The following RNF213 variants were observed in gnomAD, a reference collection of about 807,000 sequenced individuals.
The protein encoded by RNF213 is E3 ubiquitin-protein ligase RNF213.
In RNF213, 341 loss-of-function variants were observed where a neutral mutation model predicts 514.4. That is an observed-to-expected ratio of 0.66 (90% CI 0.61 to 0.73). The LOEUF is 0.73. Ranked by LOEUF, RNF213 falls within the 30% of genes least tolerant of loss-of-function variation. The pLI, the probability that RNF213 is intolerant of heterozygous loss-of-function variation, is 0.00. For synonymous variants in RNF213, 2,655 were observed against 2,658.2 expected (o/e 1.00, Z 0.04); for missense variants, 5,767 against 6,615.6 (o/e 0.87, Z 4.45).
At chr17:80,392,628 C>T (rs1449767018) in intron 67 of RNF213, among the ~76,000 whole-genome samples, 2 of 151,760 alleles carry the variant, frequency 1.3e-5, no homozygotes, top group Non-Finnish European at 2.9e-5. Context: ...CTCGCTCTGT[C>T]GCCCAGGCTG....
Position 80,298,917 on chromosome 17 carries a change from TG to T in RNF213, c.2210+400del, listed in dbSNP as rs1456647189. 2.1e-5 allele frequency: 6 copies of T among 286,722 alleles called. No individual in the cohort carries two copies. In the East Asian group the frequency reaches 5.5e-4, roughly 26 times the overall value. The allele number at this position is 286,722 out of a possible 1,614,324, so 17.8% of individuals were successfully genotyped here. A position where few individuals can be genotyped will look rare whatever the true frequency, so the allele number is the denominator to read the frequency against. ...TCACTAGAACCCGGGAGGTGGAGGT[TG>T]CAGTGAGCTGGGATCATGCTACTGC... On this transcript the variant is annotated intron_variant, in intron 11 of 67. Transcript: ENST00000582970.
chr17:80,396,776 C>T lies in RNF213; in HGVS notation c.*3278C>T, dbSNP rs2080674801. The T allele has an allele frequency of 8.1e-6, 1 of 123,696 alleles. No homozygotes were observed. Among genetic ancestry groups the T allele is most frequent in the Non-Finnish European group, 1.6e-5 (1 of 62,070 alleles). 7.7% of individuals were successfully genotyped at this position (123,696 alleles called of 1,614,324 possible). ...AGAGCAACTTTGGTCAGAAGTCACA[C>T]CTAATCACCCTCTCTGCAGGATATG... On this transcript the variant is annotated 3_prime_UTR_variant, in exon 68 of 68. Coordinates refer to ENST00000582970, the MANE Select transcript of RNF213 (RefSeq NM_001256071.3).
At position 80,344,930 on chromosome 17, in the gene RNF213, C is replaced by A; in HGVS notation, c.6595C>A (p.Gln2199Lys). 6.2e-7 allele frequency: 1 copy of A among 1,614,160 alleles called. No individual in the cohort carries two copies. The highest frequency in any genetic ancestry group is 8.5e-7 in the Non-Finnish European group (1 of 1,180,028). Residue 2199 changes from glutamine (Q) to lysine (K), a missense_variant, in exon 29 of 68, where the codon CAG becomes AAG. Coordinates refer to ENST00000582970, the MANE Select transcript of RNF213 (RefSeq NM_001256071.3). ...SVEGTPEECL[Q>K]HFLFHCGVIN... The stretch of plus-strand genomic sequence containing the variant: ...CGAAGGCACCCCGGAGGAATGCCTC[C>A]AGCATTTCCTGTTTCACTGCGGGGT...
chr17:80,345,649 T>A lies in RNF213; in HGVS notation c.7314T>A (p.Arg2438=). The A allele has an allele frequency of 6.2e-7, 1 of 1,614,186 alleles. No homozygotes were observed. ...RLIKFLSDLR[R]GGTNADTIKL... Reference sequence around the variant, plus strand: ...TTAAATTCCTTAGCGACCTGCGGCGTGGTGGTACCAATGCTGACACCATAA... The same window carrying A: ...TTAAATTCCTTAGCGACCTGCGGCGAGGTGGTACCAATGCTGACACCATAA... Residue 2438 remains arginine, a synonymous_variant, in exon 29 of 68, where the codon CGT becomes CGA. Coordinates refer to ENST00000582970, the MANE Select transcript of RNF213 (RefSeq NM_001256071.3). The surrounding 1 kb of genome is among the most constrained non-coding windows in gnomAD (Gnocchi z 6.0).
Position 80,288,694 on chromosome 17 carries a change from A to T in RNF213, c.872A>T (p.Glu291Val). The stretch of plus-strand genomic sequence containing the variant: ...AAAGGGGCCGGGAAGGAAATGAAAG[A>T]GAAGACCCAGAGAATGAAACAGCCA... ...AVKGAGKEMK[E>V]KTQRMKQPPA... Residue 291 changes from glutamate to valine, a missense_variant, in exon 5 of 68, where the codon GAG (glutamate) becomes GTG (valine). Glu to Val is a moderately radical substitution (Grantham distance 121). Coordinates refer to ENST00000582970, the MANE Select transcript of RNF213 (RefSeq NM_001256071.3). This position sits in a 1 kb window ranked among gnomAD's most constrained non-coding sequence, Gnocchi z 4.9. 6.2e-7 allele frequency: 1 copy of T among 1,614,200 alleles called. No homozygotes were observed. Among genetic ancestry groups the T allele is most frequent in the Non-Finnish European group, 8.5e-7 (1 of 1,180,038 alleles).
At chr17:80,274,618 AGTGGGGTGTCTGTGGGGGGTG>A in intron 3 of RNF213, among the ~76,000 whole-genome samples, 1 of 1,220 alleles carries the variant, frequency 8.2e-4, no homozygotes, top group South Asian at 0.025. Context: ...GTGGGGGGTG[AGTGGGGTGTCTGTGGGGGGTG>A]TGGGGTGAGT....
intron 11 of RNF213, chr17:80,298,811 C>CAAA: frequency 1.2e-4 from 27 of 222,270 alleles, no homozygotes; most frequent in East Asian, 3.5e-4. Flanking sequence ...CGAAAAATAC[C>CAAA]AAAAAAAAAA....
At position 80,393,722 on chromosome 17, in the gene RNF213, TTA is replaced by T. The variant is rs1263636472; in HGVS notation, c.*226_*227del. On this transcript the variant is annotated 3_prime_UTR_variant, in exon 68 of 68. Transcript: ENST00000582970. ...CATGTTCTGAAACTTTCTCATCATT[TTA>T]TGAGTACTGTTCATTGAGAGATGAC... is the stretch of plus-strand genomic sequence containing the variant. 5 of 531,816 alleles carry T rather than the reference TTA, an allele frequency of 9.4e-6. No homozygotes were observed. Among genetic ancestry groups the T allele is most frequent in the Middle Eastern group, 5.1e-4 (1 of 1,956 alleles). The allele number at this position is 531,816 out of a possible 1,614,324, so 32.9% of individuals were successfully genotyped here.
intron 14 of RNF213, among the ~76,000 whole-genome samples, chr17:80,311,078 T>A (rs944368295): frequency 6.6e-6 from 1 of 152,184 alleles, no homozygotes; most frequent in Admixed American, 6.5e-5. Context: ...TTTAAGGAAT[T>A]TGTCAGTTAC....
In RNF213 at chr17:80,396,781, T is replaced by G. The variant is rs1221777111; in HGVS notation, c.*3283T>G. Reference sequence around the variant, plus strand: ...AACTTTGGTCAGAAGTCACACCTAATCACCCTCTCTGCAGGATATGCTGGG... The same window carrying G: ...AACTTTGGTCAGAAGTCACACCTAAGCACCCTCTCTGCAGGATATGCTGGG... On this transcript the variant is annotated 3_prime_UTR_variant, in exon 68 of 68. Transcript: ENST00000582970. 1 of 109,016 alleles carries G rather than the reference T, an allele frequency of 9.2e-6. No individual in the cohort carries two copies. Among genetic ancestry groups the G allele is most frequent in the African/African-American group, 3.6e-5 (1 of 27,982 alleles). The allele number at this position is 109,016 out of a possible 1,614,324, so 6.8% of individuals were successfully genotyped here. A position where few individuals can be genotyped will look rare whatever the true frequency, so the allele number is the denominator to read the frequency against.
intron 26 of RNF213, 62 bp downstream of exon 26, chr17:80,340,418 C>G (rs562696971): frequency 1.3e-4 from 196 of 1,482,234 alleles, no homozygotes; most frequent in South Asian, 1.1e-3. Context: ...GCCCTTCCCC[C>G]CTCCAGCAGA....
intron 39 of RNF213, among the ~76,000 whole-genome samples, chr17:80,362,489 T>G (rs541317259): frequency 5.1e-4 from 77 of 152,342 alleles, no homozygotes; most frequent in African/African-American, 1.7e-3. Flanking sequence ...TAATAGCAAA[T>G]CAACACAACA....
chr17:80,326,708 T>C (rs748588865), intron 18 of RNF213, among the ~76,000 whole-genome samples: 18 of 152,242 alleles, frequency 1.2e-4, no homozygotes, highest in Non-Finnish European at 1.8e-4. Flanking sequence ...TTATGTTTCC[T>C]CCATGTCTTT....
chr17:80,325,228 G>A, intron 18 of RNF213, 30 bp downstream of exon 18: 2 of 1,510,918 alleles, frequency 1.3e-6, no homozygotes, highest in Non-Finnish European at 1.8e-6. Flanking sequence ...GGGAACATCA[G>A]CTCAGGCAAG....
At position 80,317,219 on chromosome 17, in the gene RNF213, C is replaced by G; in HGVS notation, c.2843C>G (p.Pro948Arg). Reference protein sequence around the residue: ...VWRRLVEIQFPAEHGWKESLL... With the variant: ...VWRRLVEIQFRAEHGWKESLL... ...AGGCGGCTGGTGGAAATCCAATTCC[C>G]CGCGGAGCATGGCTGGAAGGAGTCG... Residue 948 changes from proline to arginine, a missense_variant, in exon 16 of 68, where the codon CCC (proline) becomes CGC (arginine). Around this residue, in one of 13 missense-constraint regions of RNF213, gnomAD observed 592 missense variants for 673.9 expected, o/e 0.88. Transcript: ENST00000582970. The surrounding 1 kb of genome is among the most constrained non-coding windows in gnomAD (Gnocchi z 4.1). 1 of 1,612,804 alleles carries G rather than the reference C, an allele frequency of 6.2e-7. No individual in the cohort carries two copies. Among genetic ancestry groups the G allele is most frequent in the Non-Finnish European group, 8.5e-7 (1 of 1,179,850 alleles).
rs2080642514 is a variant in RNF213, at chr17:80,395,637, C to CT, written c.*2140dup. 6.6e-6 allele frequency: 1 copy of CT among 152,308 alleles called. No individual in the cohort carries two copies. Among genetic ancestry groups the CT allele is most frequent in the African/African-American group, 2.4e-5 (1 of 41,454 alleles). 9.4% of individuals were successfully genotyped at this position (152,308 alleles called of 1,614,324 possible). ...AATGACTTCACTGGACACAGCGGGG[C>CT]TGCAGCTAACGGGGTACAGGTAGGA... On this transcript the variant is annotated 3_prime_UTR_variant, in exon 68 of 68. Coordinates refer to ENST00000582970, the MANE Select transcript of RNF213 (RefSeq NM_001256071.3).
At chr17:80,302,978 A>G (rs1036883618) in intron 11 of RNF213, among the ~76,000 whole-genome samples, 1 of 152,220 alleles carries the variant, frequency 6.6e-6, no homozygotes, top group Admixed American at 6.5e-5. Context: ...AAAATAGATT[A>G]ATTTATTTTG....
chr17:80,338,261 C>T (rs148650123), intron 25 of RNF213, among the ~76,000 whole-genome samples: 2 of 152,276 alleles, frequency 1.3e-5, no homozygotes, highest in East Asian at 3.9e-4. Context: ...CTGAAGCTGG[C>T]AGCCTGTCCA....
At chr17:80,376,682 T>C (rs2079774494) in intron 52 of RNF213, 139 bp downstream of exon 52, 1 of 1,321,488 alleles carries the variant, frequency 7.6e-7, no homozygotes, top group Non-Finnish European at 1.1e-6. Context: ...ACCTGATTCT[T>C]GAGCACACAA....
Sources: allele counts gnomAD v4.1 joint callset (sites outside exome capture counted in the v4.1 genomes callset), GRCh38; gene constraint gnomAD v4.1.1; regional missense constraint gnomAD v4.1.1; non-coding constraint Gnocchi (gnomAD v3.1); transcripts MANE v1.5; gene names NCBI Gene and HGNC (gene_info 2026-07-23, HGNC 2026-07-21).